NPIPB2: variants seen among roughly 807,000 people sequenced by gnomAD.
NPIPB2 encodes nuclear pore complex-interacting protein family member B2.
A neutral mutation model predicts 30.8 loss-of-function variants in NPIPB2; 27 were observed. The observed-to-expected ratio is 0.88, with a 90% CI of 0.65 to 1.21. The LOEUF is 1.21. Among genes scored for constraint, NPIPB2 ranks in the 50% most tolerant of loss-of-function variants. The pLI, the probability that NPIPB2 is intolerant of heterozygous loss-of-function variation, is 0.00. For synonymous variants in NPIPB2, 147 were observed against 162.0 expected, an observed-to-expected ratio of 0.91 and a Z score of 0.70; for missense variants, 440 against 446.2, an observed-to-expected ratio of 0.99 and a Z score of 0.13.
upstream of NPIPB2, among the ~76,000 whole-genome samples, chr16:11,944,010 A>AAAAAAAAAAAAAGAGGCAAAACT: frequency 6.7e-6 from 1 of 149,808 alleles, no homozygotes; most frequent in South Asian, 2.1e-4. Context: ...AAAAAAAAAA[A>AAAAAAAAAAAAAGAGGCAAAACT]AAAAAGAGGC....
chr16:11,936,533 GGT>G (rs1469966350), intron 2 of NPIPB2, among the ~76,000 whole-genome samples: 5 of 149,740 alleles, frequency 3.3e-5, no homozygotes, highest in Non-Finnish European at 6.0e-5. Flanking sequence ...AAAGCATTGT[GGT>G]ATTAGTACTT....
chr16:11,943,431 T>C (rs1486513056), upstream of NPIPB2, among the ~76,000 whole-genome samples: 1 of 152,224 alleles, frequency 6.6e-6, no homozygotes, highest in African/African-American at 2.4e-5. Flanking sequence ...TGGCTGGGCA[T>C]GGTGGCTCAC....
At position 11,966,293 on chromosome 16, in the gene NPIPB2, C is replaced by G. The variant is rs1233410848; in HGVS notation, c.-584+10275G>C. The G allele has an allele frequency of 2.5e-6, 4 of 1,613,888 alleles. No homozygotes were observed. In the African/African-American group the frequency reaches 4.0e-5, roughly 16 times the overall value. Reference sequence around the variant, plus strand: ...GGCAGTTTTCGTGCTAATGTTTTTGCTAAGGAAGATAAACTCTGAACCATT... The same window carrying G: ...GGCAGTTTTCGTGCTAATGTTTTTGGTAAGGAAGATAAACTCTGAACCATT... On this transcript the variant is annotated intron_variant, in intron 1 of 5. Coordinates refer to the NPIPB2 transcript ENST00000538896.
intron 1 of NPIPB2, among the ~76,000 whole-genome samples, chr16:11,952,357 A>G (rs1451462655): frequency 6.6e-6 from 1 of 151,650 alleles, no homozygotes; most frequent in East Asian, 1.9e-4. Context: ...CAAAAATAAA[A>G]AATAAAAATA....
At chr16:11,959,275 A>T (rs2055136979) in intron 1 of NPIPB2, among the ~76,000 whole-genome samples, 1 of 152,000 alleles carries the variant, frequency 6.6e-6, no homozygotes, top group Admixed American at 6.6e-5. Context: ...TTAAAAAAAA[A>T]TCTTTGTTTC....
chr16:11,956,809 G>A (rs2055116419), intron 1 of NPIPB2, among the ~76,000 whole-genome samples: 1 of 152,174 alleles, frequency 6.6e-6, no homozygotes, highest in African/African-American at 2.4e-5. Flanking sequence ...TTTGCTCTTG[G>A]CAGGCTCTCA....
intron 1 of NPIPB2, among the ~76,000 whole-genome samples, chr16:11,968,299 A>G (rs2055212203): frequency 6.6e-6 from 1 of 152,178 alleles, no homozygotes; most frequent in African/African-American, 2.4e-5. Flanking sequence ...CAACATGGTG[A>G]AACCCTGTCT....
exon 8 of NPIPB2, chr16:11,927,743 G>T: frequency 1.3e-6 from 2 of 1,597,822 alleles, no homozygotes; most frequent in South Asian, 2.2e-5. Flanking sequence ...GAGGCTCAGG[G>T]AGTTATCAGT....
intron 1 of NPIPB2, among the ~76,000 whole-genome samples, chr16:11,973,498 T>C (rs1351660984): frequency 2.6e-5 from 4 of 152,224 alleles, no homozygotes; most frequent in African/African-American, 9.6e-5. Context: ...CAAGTTTTAC[T>C]GACTTGTACC....
rs1427615219 is a variant in NPIPB2 at position 11,947,330 on chromosome 16, A to ATT, written c.-583-5217_-583-5216insAA. 5.9e-3 allele frequency among the ~76,000 whole-genome samples: 819 copies of ATT among 138,604 alleles called. 11 individuals are homozygous for ATT. Among genetic ancestry groups the ATT allele is most frequent in the African/African-American group, 0.021 (779 of 36,748 alleles). 90.9% of individuals were successfully genotyped at this position (138,604 alleles called of 152,430 possible). ...TTTATTTATTTATTTATTTATATAT[A>ATT]TATATATTTATTTATTTATTATTTA... On this transcript the variant is annotated intron_variant, in intron 1 of 5. Transcript: ENST00000538896.
chr16:11,969,884 G>T (rs2055225011), intron 1 of NPIPB2, among the ~76,000 whole-genome samples: 1 of 151,884 alleles, frequency 6.6e-6, no homozygotes, highest in South Asian at 2.1e-4. Context: ...TTTGAGACGG[G>T]GTCTTGCTCT....
upstream of NPIPB2, among the ~76,000 whole-genome samples, chr16:11,945,452 T>G (rs1465935935): frequency 6.6e-6 from 1 of 151,892 alleles, no homozygotes; most frequent in Non-Finnish European, 1.5e-5. Flanking sequence ...GGTGGGTGGA[T>G]CACTTGAGGC....
chr16:11,941,989 A>G, exon 1 of NPIPB2: 4 of 1,171,094 alleles, frequency 3.4e-6, no homozygotes, highest in Non-Finnish European at 3.7e-6. Flanking sequence ...ATACCCAAGC[A>G]GAGTGCCAGG....
chr16:11,962,903 C>T (rs1349735792), intron 1 of NPIPB2, among the ~76,000 whole-genome samples: 12 of 151,878 alleles, frequency 7.9e-5, no homozygotes, highest in Admixed American at 7.9e-4. Context: ...CCTGTCTGTA[C>T]TAAAAATACA....
In NPIPB2 at chr16:11,933,426, A is replaced by G. The variant is rs2054817695; in HGVS notation, c.488+91T>C. ...TGAACCCACTGAATTTGCCACAAAT[A>G]TTGTAGAAAATATTCTCAAGGACTT... On this transcript the variant is annotated intron_variant, in intron 4 of 7. Coordinates refer to ENST00000399147, the Ensembl canonical transcript of NPIPB2. The G allele has an allele frequency of 8.9e-6, 14 of 1,566,386 alleles. 1 individual carries two copies. The South Asian group carries it at 1.0e-4, about 11-fold the overall frequency.
chr16:11,944,435 G>A (rs1039798064), upstream of NPIPB2, among the ~76,000 whole-genome samples: 4 of 151,446 alleles, frequency 2.6e-5, no homozygotes, highest in African/African-American at 7.3e-5. Context: ...CCAAAGTCCC[G>A]GGATTACAGT....
intron 1 of NPIPB2, among the ~76,000 whole-genome samples, chr16:11,971,197 G>C (rs2055233685): frequency 6.6e-6 from 1 of 152,020 alleles, no homozygotes; most frequent in African/African-American, 2.4e-5. Flanking sequence ...TGTGTGCTAG[G>C]TCAGTCATGT....
chr16:11,944,914 C>T (rs965689980), upstream of NPIPB2, among the ~76,000 whole-genome samples: 15 of 151,810 alleles, frequency 9.9e-5, no homozygotes, highest in South Asian at 4.2e-4. Flanking sequence ...CACGGTGGCT[C>T]ATGCCTGTAA....
At chr16:11,942,285 T>G (rs572061708), upstream of NPIPB2, among the ~76,000 whole-genome samples, 18 of 148,340 alleles carry the variant, frequency 1.2e-4, no homozygotes, top group African/African-American at 4.2e-4. Flanking sequence ...GATTAAAAGC[T>G]AATTCAAAAT....
Sources: gnomAD v4.1 joint callset for allele counts (sites outside exome capture counted in the v4.1 genomes callset) on GRCh38, gnomAD v4.1.1 for gene constraint, MANE v1.5 for transcripts, NCBI Gene and HGNC (gene_info 2026-07-23, HGNC 2026-07-21) for gene names.